The following TRIM61 variants were observed in gnomAD, a reference collection of about 807,000 sequenced individuals.
The protein encoded by TRIM61 is tripartite motif containing 61, also known as putative tripartite motif-containing protein 61.
TRIM61 carries 1 observed loss-of-function variant against 14.2 expected under a neutral mutation model. That is an observed-to-expected ratio of 0.07 (90% CI 0.03 to 0.33). The LOEUF (loss-of-function observed/expected upper bound fraction) is 0.33, where lower values mean the gene tolerates loss of function less well. Among genes scored for constraint, TRIM61 ranks in the 10% least tolerant of loss-of-function variants. The pLI, the probability that TRIM61 is intolerant of heterozygous loss-of-function variation, is 0.99. For missense variants in TRIM61, 19 were observed against 202.2 expected (o/e 0.09, Z 5.49); for synonymous variants, 8 against 71.6 (o/e 0.11, Z 4.49).
At chr4:164,968,847 A>G (rs1732298704) in intron 3 of TRIM61, 2 of 986,508 alleles carry the variant, frequency 2.0e-6, no homozygotes, top group African/African-American at 3.5e-5. Flanking sequence ...ATTCCCCATA[A>G]TCCATCCTGT....
intron 3 of TRIM61, among the ~76,000 whole-genome samples, chr4:164,965,446 C>CT (rs70952674): frequency 0.037 from 4,700 of 126,214 alleles, 266 homozygotes; most frequent in East Asian, 0.085. Flanking sequence ...TCTGCCTATG[C>CT]TTTTTTTTTT....
intron 2 of TRIM61, among the ~76,000 whole-genome samples, chr4:164,973,266 C>T (rs1404643690): frequency 1.3e-5 from 2 of 152,298 alleles, no homozygotes; most frequent in South Asian, 2.1e-4. Context: ...GCTGTAAAAG[C>T]GGAGTCTACA....
chr4:164,956,134 T>C (rs1437609903), intron 3 of TRIM61, among the ~76,000 whole-genome samples: 1 of 152,230 alleles, frequency 6.6e-6, no homozygotes, highest in Admixed American at 6.5e-5. Context: ...GGCGCCATCC[T>C]GGCTCACTGC....
chr4:164,976,084 C>T (rs1732475415), intron 2 of TRIM61, among the ~76,000 whole-genome samples: 1 of 152,140 alleles, frequency 6.6e-6, no homozygotes, highest in Non-Finnish European at 1.5e-5. Context: ...TAGTACTTTC[C>T]CTTGAACTTA....
chr4:164,955,393 A>G (rs912035541), intron 3 of TRIM61, among the ~76,000 whole-genome samples: 10 of 151,952 alleles, frequency 6.6e-5, no homozygotes, highest in Non-Finnish European at 1.0e-4. Flanking sequence ...GTGCCACACC[A>G]AATCCTATGT....
chr4:164,970,857 TG>T (rs1210549403), intron 2 of TRIM61, among the ~76,000 whole-genome samples: 1 of 152,042 alleles, frequency 6.6e-6, no homozygotes, highest in African/African-American at 2.4e-5. Flanking sequence ...CCCAGCATTT[TG>T]GGGGGCCAAG....
At chr4:164,960,003 T>C (rs1444645794) in intron 3 of TRIM61, among the ~76,000 whole-genome samples, 1 of 152,152 alleles carries the variant, frequency 6.6e-6, no homozygotes, top group Non-Finnish European at 1.5e-5. Flanking sequence ...CTTAATCCAG[T>C]ATCACTGCAG....
At chr4:164,977,489 G>A (rs1732506894) in intron 1 of TRIM61, 42 bp downstream of exon 1, 1 of 152,326 alleles carries the variant, frequency 6.6e-6, no homozygotes, top group Non-Finnish European at 1.5e-5. Context: ...AAGCCTCCTG[G>A]CGAGGCCCTT....
chr4:164,969,313 T>G (rs1489372167), intron 3 of TRIM61: 2 of 1,337,778 alleles, frequency 1.5e-6, no homozygotes, highest in African/African-American at 1.4e-5. Flanking sequence ...GTAGATATTT[T>G]AATGAGGAGG....
chr4:164,971,059 G>A (rs920135958), intron 2 of TRIM61, among the ~76,000 whole-genome samples: 3 of 152,058 alleles, frequency 2.0e-5, no homozygotes, highest in African/African-American at 7.2e-5. Flanking sequence ...TGAGATTGCA[G>A]CACGGCACTC....
chr4:164,968,888 G>A, intron 3 of TRIM61: 1 of 988,552 alleles, frequency 1.0e-6, no homozygotes, highest in South Asian at 4.6e-5. Context: ...CCTCCTTCTG[G>A]GAAGACAGTC....
intron 2 of TRIM61, among the ~76,000 whole-genome samples, chr4:164,970,667 A>C (rs1234270939): frequency 6.6e-6 from 1 of 152,198 alleles, no homozygotes; most frequent in Admixed American, 6.6e-5. Flanking sequence ...GCATTCTTCA[A>C]AAATGTCAAT....
intron 3 of TRIM61, among the ~76,000 whole-genome samples, chr4:164,963,468 T>C (rs1258246441): frequency 1.3e-5 from 2 of 152,016 alleles, no homozygotes; most frequent in Non-Finnish European, 2.9e-5. Flanking sequence ...ATCACACAAA[T>C]GACAGGGCAC....
chr4:164,964,030 G>A lies in TRIM61; in HGVS notation c.525+5448C>T, dbSNP rs567028771. Among the ~76,000 whole-genome samples the A allele has an allele frequency of 1.4e-3, 217 of 152,010 alleles. 2 individuals carry two copies. The highest frequency in any genetic ancestry group is 5.1e-3 in the African/African-American group (212 of 41,506). The stretch of plus-strand genomic sequence containing the variant: ...TATATTAGAAAAAAATCTAAAATCA[G>A]TAACTTAACCCTTTACCTTAAGAAA... On this transcript the variant is annotated intron_variant, in intron 3 of 4. Coordinates refer to ENST00000329314, the MANE Select transcript of TRIM61 (RefSeq NM_001012414.3).
chr4:164,956,963 T>A, intron 3 of TRIM61: 1 of 1,423,426 alleles, frequency 7.0e-7, no homozygotes, highest in East Asian at 2.5e-5. Flanking sequence ...GACTTCCGGG[T>A]GAGACCGTGA....
chr4:164,963,401 C>T (rs1732175563), intron 3 of TRIM61, among the ~76,000 whole-genome samples: 1 of 152,106 alleles, frequency 6.6e-6, no homozygotes, highest in African/African-American at 2.4e-5. Flanking sequence ...GGACACTCAC[C>T]AAGATAAACC....
intron 3 of TRIM61, chr4:164,968,339 A>G (rs150547934): frequency 1.7e-4 from 165 of 966,246 alleles, no homozygotes; most frequent in Non-Finnish European, 2.0e-4. Context: ...ATTTTCTTAC[A>G]TAATACATTT....
rs750639785 is a variant in TRIM61 at position 164,957,268 on chromosome 4, C to A, written c.526-2172G>T. The A allele has an allele frequency of 3.7e-6, 6 of 1,614,178 alleles. 1 individual carries two copies. In the South Asian group the frequency reaches 6.6e-5, roughly 18 times the overall value. On this transcript the variant is annotated intron_variant, in intron 3 of 4. Transcript: ENST00000329314. The stretch of plus-strand genomic sequence containing the variant: ...TCCACCAATCCTGGGAGAAGCGAAT[C>A]GTTTTCTCCGCGTGCCCTGTCAGCC...
intron 4 of TRIM61, chr4:164,954,948 G>T: frequency 3.1e-6 from 1 of 326,022 alleles, no homozygotes; most frequent in Non-Finnish European, 6.1e-6. Context: ...TAGAAATACA[G>T]AAGTTAGCTG....
Sources: gnomAD v4.1 joint callset for allele counts (sites outside exome capture counted in the v4.1 genomes callset) on GRCh38, gnomAD v4.1.1 for gene constraint, MANE v1.5 for transcripts, NCBI Gene and HGNC (gene_info 2026-07-23, HGNC 2026-07-21) for gene names.